Variants in SLC24A2 observed in about 807,000 individuals in gnomAD.
SLC24A2 encodes solute carrier family 24 member 2, also known as sodium/potassium/calcium exchanger 2.
Under a neutral mutation model 62.0 loss-of-function variants are expected in SLC24A2, and 36 were observed. The ratio of observed to expected loss-of-function variants is 0.58; its 90% CI spans 0.44 to 0.77. The LOEUF is 0.77. Among genes scored for constraint, SLC24A2 ranks in the 30% least tolerant of loss-of-function variants. The probability of loss-of-function intolerance (pLI) is 0.00; values close to 1 mark genes in which losing one functional copy is unlikely to be tolerated. For synonymous variants in SLC24A2, 358 were observed against 294.0 expected (o/e 1.22, Z -2.23); for missense variants, 846 against 817.9 (o/e 1.03, Z -0.42).
chr9:19,875,404 T>C, the SLC24A2 span, among the ~76,000 whole-genome samples: 1 of 152,216 alleles, frequency 6.6e-6, no homozygotes, highest in African/African-American at 2.4e-5. Context: ...TAGTTCAAGA[T>C]GGTTGGCAGA....
At chr9:19,832,672 T>C in the SLC24A2 span, among the ~76,000 whole-genome samples, 4 of 152,334 alleles carry the variant, frequency 2.6e-5, no homozygotes, top group East Asian at 3.9e-4. Context: ...ATTCAGGTCA[T>C]AGGCATGGGC....
At chr9:19,865,974 G>C in the SLC24A2 span, among the ~76,000 whole-genome samples, 2 of 152,136 alleles carry the variant, frequency 1.3e-5, no homozygotes, top group Non-Finnish European at 2.9e-5. Flanking sequence ...ACGAGAATAT[G>C]TCAGGAGTGC....
intron 2 of SLC24A2, among the ~76,000 whole-genome samples, chr9:19,647,539 G>C (rs1818678558): frequency 6.6e-6 from 1 of 150,730 alleles, no homozygotes; most frequent in Non-Finnish European, 1.5e-5. Context: ...ATGGCTACTG[G>C]CTTAGCAATG....
the SLC24A2 span, among the ~76,000 whole-genome samples, chr9:20,144,246 G>A: frequency 6.6e-6 from 1 of 152,196 alleles, no homozygotes; most frequent in Non-Finnish European, 1.5e-5. Context: ...GCTAGCACAT[G>A]TCAAAGCTTC....
intron 2 of SLC24A2, among the ~76,000 whole-genome samples, chr9:19,744,433 T>C (rs1253407184): frequency 6.6e-6 from 1 of 152,132 alleles, no homozygotes; most frequent in Non-Finnish European, 1.5e-5. Flanking sequence ...AGTTTGTATG[T>C]TTACCTTGTT....
At chr9:20,116,577 G>A in the SLC24A2 span, among the ~76,000 whole-genome samples, 149 of 152,206 alleles carry the variant, frequency 9.8e-4, no homozygotes, top group Middle Eastern at 3.4e-3. Context: ...ATACTGTGCC[G>A]TCTTTTCAAT....
chr9:19,684,606 GT>G (rs1299122325), intron 2 of SLC24A2, among the ~76,000 whole-genome samples: 1 of 152,032 alleles, frequency 6.6e-6, no homozygotes, highest in Non-Finnish European at 1.5e-5. Context: ...GGGTTTCAGG[GT>G]AGTGAGTTTC....
the SLC24A2 span, among the ~76,000 whole-genome samples, chr9:19,872,371 G>A: frequency 1.3e-5 from 2 of 152,172 alleles, no homozygotes; most frequent in Non-Finnish European, 2.9e-5. Flanking sequence ...AAGGATAAAG[G>A]AGGAGTTCTC....
the SLC24A2 span, among the ~76,000 whole-genome samples, chr9:20,107,594 A>T: frequency 6.6e-6 from 1 of 152,206 alleles, no homozygotes; most frequent in Admixed American, 6.5e-5. Flanking sequence ...AGCAATGGGG[A>T]AAGGATTCCC....
At chr9:20,274,219 A>G in the SLC24A2 span, among the ~76,000 whole-genome samples, 1 of 152,212 alleles carries the variant, frequency 6.6e-6, no homozygotes, top group Non-Finnish European at 1.5e-5. Context: ...TGTGGCTTCA[A>G]GGACTATGGA....
the SLC24A2 span, among the ~76,000 whole-genome samples, chr9:20,283,970 T>C: frequency 1.3e-5 from 2 of 152,304 alleles, no homozygotes; most frequent in Non-Finnish European, 1.5e-5. Context: ...TCTCTTAACA[T>C]GCGTGCCCAA....
chr9:19,617,734 G>A (rs1817806671), intron 4 of SLC24A2, among the ~76,000 whole-genome samples: 1 of 152,176 alleles, frequency 6.6e-6, no homozygotes, highest in Admixed American at 6.5e-5. Context: ...GGCTCCTTTT[G>A]CACAAACTAC....
chr9:19,576,796 C>G (rs897389925), intron 6 of SLC24A2, 128 bp downstream of exon 6: 1 of 741,968 alleles, frequency 1.3e-6, no homozygotes, highest in Non-Finnish European at 2.4e-6. Context: ...TCCTGTTGCA[C>G]AGGGAAGGGC....
chr9:19,544,730 T>TTGTC (rs1401600143), intron 8 of SLC24A2, among the ~76,000 whole-genome samples: 2 of 152,036 alleles, frequency 1.3e-5, no homozygotes, highest in Admixed American at 1.3e-4. Flanking sequence ...TTGAAAATTC[T>TTGTC]TTTAAGAATG....
At chr9:19,865,648 T>C in the SLC24A2 span, among the ~76,000 whole-genome samples, 4 of 152,152 alleles carry the variant, frequency 2.6e-5, no homozygotes, top group East Asian at 1.9e-4. Flanking sequence ...GATATCCATA[T>C]ACAGAAGAAT....
the SLC24A2 span, among the ~76,000 whole-genome samples, chr9:20,188,723 A>G: frequency 1.3e-5 from 2 of 152,104 alleles, no homozygotes; most frequent in Admixed American, 1.3e-4. Flanking sequence ...AGAAGCCACG[A>G]GCTAAGGAAT....
chr9:19,580,385 C>T (rs1836166297), intron 5 of SLC24A2, among the ~76,000 whole-genome samples: 1 of 152,242 alleles, frequency 6.6e-6, no homozygotes, highest in African/African-American at 2.4e-5. Flanking sequence ...GGTGGTGGGG[C>T]AGAGCCTGAC....
intron 2 of SLC24A2, among the ~76,000 whole-genome samples, chr9:19,626,674 T>C (rs868203825): frequency 6.6e-6 from 1 of 152,346 alleles, no homozygotes; most frequent in East Asian, 1.9e-4. Context: ...AATATTCCAA[T>C]GGACATGAAT....
chr9:19,987,032 G>A, the SLC24A2 span, among the ~76,000 whole-genome samples: 8 of 152,106 alleles, frequency 5.3e-5, no homozygotes, highest in African/African-American at 1.9e-4. Flanking sequence ...AGGAGTCAAA[G>A]AAGCAGAACA....
Sources: allele counts gnomAD v4.1 joint callset (sites outside exome capture counted in the v4.1 genomes callset), GRCh38; gene constraint gnomAD v4.1.1; transcripts MANE v1.5; gene names NCBI Gene and HGNC (gene_info 2026-07-23, HGNC 2026-07-21).